Variants in ZC4H2 observed in about 807,000 individuals in gnomAD.
The protein encoded by ZC4H2 is zinc finger C4H2 domain-containing protein.
For missense variants in ZC4H2, 137 were observed against 173.9 expected (o/e 0.79, Z 1.19); for synonymous variants, 84 against 66.3 (o/e 1.27, Z -1.30).
At chrX:64,998,080 G>T (rs1483495774) in intron 1 of ZC4H2, among the ~76,000 whole-genome samples, 1 of 111,719 alleles carries the variant, frequency 9.0e-6, no homozygotes, top group Non-Finnish European at 1.9e-5. Context: ...ATGCAAAAAA[G>T]TCAACTAAAC....
intron 1 of ZC4H2, among the ~76,000 whole-genome samples, chrX:65,000,718 T>A (rs1181431853): frequency 8.9e-6 from 1 of 112,045 alleles, no homozygotes; most frequent in Non-Finnish European, 1.9e-5. Context: ...CTAACTAGAA[T>A]AACCAGTTTA....
chrX:64,986,921 C>CT (rs1028871395), intron 1 of ZC4H2, among the ~76,000 whole-genome samples: 5,901 of 79,544 alleles, frequency 0.074, 465 homozygotes, highest in African/African-American at 0.18. Context: ...CAAGATAATT[C>CT]TTTTTTTTTT....
At chrX:65,006,262 A>G (rs1932656432) in intron 1 of ZC4H2, among the ~76,000 whole-genome samples, 1 of 111,905 alleles carries the variant, frequency 8.9e-6, no homozygotes. Context: ...ATGCACACGT[A>G]TATTTATTGC....
chrX:65,014,992 A>G (rs1274513084), intron 1 of ZC4H2, among the ~76,000 whole-genome samples: 1 of 111,946 alleles, frequency 8.9e-6, no homozygotes, highest in Non-Finnish European at 1.9e-5. Context: ...TACACTGCCA[A>G]TTCTTGATTG....
At chrX:64,922,099 G>A in intron 1 of ZC4H2, 111 bp from the exon 2 acceptor site, 1 of 1,109,771 alleles carries the variant, frequency 9.0e-7, no homozygotes, top group Non-Finnish European at 1.2e-6. Flanking sequence ...TCTCCAGGCA[G>A]AGCCAACCTG....
intron 1 of ZC4H2, among the ~76,000 whole-genome samples, chrX:64,928,733 TCTTCTC>T (rs1408664780): frequency 3.6e-4 from 36 of 99,687 alleles, no homozygotes; most frequent in African/African-American, 1.1e-3. Context: ...CTCCTCTTCT[TCTTCTC>T]CTTCTCCTTC....
chrX:64,954,729 A>G (rs930002042), intron 1 of ZC4H2, among the ~76,000 whole-genome samples: 1 of 109,819 alleles, frequency 9.1e-6, no homozygotes, highest in African/African-American at 3.3e-5. Flanking sequence ...GAATTCCTGA[A>G]ATTTTAATGA....
chrX:65,002,622 G>A (rs1168697077), intron 1 of ZC4H2, among the ~76,000 whole-genome samples: 2 of 111,685 alleles, frequency 1.8e-5, no homozygotes, highest in Non-Finnish European at 3.8e-5. Context: ...TAGAAAAGGG[G>A]GAAATGTGGG....
chrX:64,983,214 TTGGTCTTCTCGTA>T (rs1315414907), intron 1 of ZC4H2, among the ~76,000 whole-genome samples: 1 of 111,942 alleles, frequency 8.9e-6, no homozygotes, highest in East Asian at 2.8e-4. Flanking sequence ...TCTATGGGTT[TTGGTCTTCTCGTA>T]TGGAAAATGG....
intron 1 of ZC4H2, among the ~76,000 whole-genome samples, chrX:64,954,338 AAT>A (rs1455811335): frequency 4.1e-5 from 3 of 73,700 alleles, no homozygotes; most frequent in African/African-American, 8.2e-5. Flanking sequence ...ATATATATAT[AAT>A]TATATATATA....
chrX:64,947,057 T>C (rs1930568482), intron 1 of ZC4H2, among the ~76,000 whole-genome samples: 1 of 111,747 alleles, frequency 8.9e-6, no homozygotes, highest in East Asian at 2.8e-4. Flanking sequence ...CAGTTTAGTG[T>C]ATTTTTATTT....
At chrX:64,999,982 G>A (rs1049083829) in intron 1 of ZC4H2, among the ~76,000 whole-genome samples, 4 of 112,194 alleles carry the variant, frequency 3.6e-5, no homozygotes, top group African/African-American at 1.3e-4. Flanking sequence ...CTGGGACAGA[G>A]CACCTGGGGG....
At chrX:64,952,177 A>G (rs1192446595) in intron 1 of ZC4H2, among the ~76,000 whole-genome samples, 2 of 110,701 alleles carry the variant, frequency 1.8e-5, no homozygotes, top group African/African-American at 6.7e-5. Flanking sequence ...TTTTGGTACC[A>G]GTACCATGCT....
chrX:64,963,334 A>G (rs1931472271), intron 1 of ZC4H2, among the ~76,000 whole-genome samples: 1 of 111,954 alleles, frequency 8.9e-6, no homozygotes, highest in African/African-American at 3.2e-5. Context: ...AACTCCTACA[A>G]GAAGCCATAA....
intron 1 of ZC4H2, among the ~76,000 whole-genome samples, chrX:65,028,619 C>A (rs899400727): frequency 2.7e-5 from 3 of 109,782 alleles, no homozygotes; most frequent in Non-Finnish European, 5.7e-5. Flanking sequence ...GCAACCTCTG[C>A]CTCCTGGGTT....
intron 1 of ZC4H2, among the ~76,000 whole-genome samples, chrX:64,934,157 G>T (rs1024632545): frequency 8.9e-6 from 1 of 112,067 alleles, no homozygotes; most frequent in African/African-American, 3.2e-5. Flanking sequence ...GTCCCACAGG[G>T]TGTTACCTTG....
chrX:64,981,586 C>T (rs939333017), intron 1 of ZC4H2, among the ~76,000 whole-genome samples: 6 of 110,887 alleles, frequency 5.4e-5, no homozygotes, highest in African/African-American at 1.3e-4. Flanking sequence ...CAGTGCCATT[C>T]ACTGAAACAG....
chrX:64,939,029 T>C (rs760308700), intron 1 of ZC4H2, among the ~76,000 whole-genome samples: 1 of 111,954 alleles, frequency 8.9e-6, no homozygotes, highest in Non-Finnish European at 1.9e-5. Flanking sequence ...GATCATATAT[T>C]TAGAAAACCT....
At position 64,950,097 on chromosome X, in the gene ZC4H2, C is replaced by T. The variant is rs143927432; in HGVS notation, c.53+26228G>A. On this transcript the variant is annotated intron_variant, in intron 1 of 4. Coordinates refer to ENST00000374839, the MANE Select transcript of ZC4H2 (RefSeq NM_018684.4). ...AACATCTTTATTTCTGCCTTCATTT[C>T]GTTATGTACTTAGCAGTCATTCAGG... 8.4e-3 allele frequency among the ~76,000 whole-genome samples: 942 copies of T among 111,970 alleles called. 35 individuals are homozygous for T. Among genetic ancestry groups the T allele is most frequent in the Admixed American group, 0.073 (767 of 10,514 alleles).
Sources: gnomAD v4.1 joint callset for allele counts (sites outside exome capture counted in the v4.1 genomes callset) on GRCh38, gnomAD v4.1.1 for gene constraint, MANE v1.5 for transcripts, NCBI Gene and HGNC (gene_info 2026-07-23, HGNC 2026-07-21) for gene names.